The following RNLS variants were observed in gnomAD, a reference collection of about 807,000 sequenced individuals.
RNLS encodes renalase.
Under a neutral mutation model 39.8 loss-of-function variants are expected in RNLS, and 39 were observed. That is an observed-to-expected ratio of 0.98 (90% CI 0.76 to 1.28). RNLS has a LOEUF of 1.28. Among genes scored for constraint, RNLS ranks in the 50% most tolerant of loss-of-function variants. The pLI, the probability that RNLS is intolerant of heterozygous loss-of-function variation, is 0.00. For synonymous variants in RNLS, 147 were observed against 150.7 expected (o/e 0.98, Z 0.18); for missense variants, 410 against 413.3 (o/e 0.99, Z 0.07).
At chr10:88,354,217 G>A (rs1241748901) in intron 5 of RNLS, among the ~76,000 whole-genome samples, 1 of 152,146 alleles carries the variant, frequency 6.6e-6, no homozygotes. Context: ...CTGTTTACAT[G>A]TAAAGTTAAT....
At chr10:88,235,066 C>G in the RNLS span, among the ~76,000 whole-genome samples, 1 of 151,868 alleles carries the variant, frequency 6.6e-6, no homozygotes, top group Admixed American at 6.6e-5. Context: ...TCGAGACCAT[C>G]CTGGCTAACA....
In RNLS at chr10:88,421,254, C is replaced by T. The variant is rs577281297; in HGVS notation, c.527-58529G>A. 4.9e-4 allele frequency among the ~76,000 whole-genome samples: 75 copies of T among 151,802 alleles called. No individual in the cohort carries two copies. The Middle Eastern group carries it at 0.014, about 28-fold the overall frequency. On this transcript the variant is annotated intron_variant, in intron 4 of 6. Transcript: ENST00000331772. ...ATTGTTGATGATATTTTACCCATAG[C>T]CTATGATTCTGTGTGCCCTGTCCTT...
intron 6 of RNLS, among the ~76,000 whole-genome samples, chr10:88,289,710 G>T (rs1186702729): frequency 6.6e-6 from 1 of 152,076 alleles, no homozygotes; most frequent in Non-Finnish European, 1.5e-5. Flanking sequence ...AATGTTTATT[G>T]TGTTAAAAAA....
Position 88,275,039 on chromosome 10 carries a change from A to G in RNLS, c.877-7T>C, listed in dbSNP as rs373258459. Reference sequence around the variant, plus strand: ...TCACACCAGCACTTGGTACCTGAAAATCAAAGGAATATCCTTCAACCCCAG... The same window carrying G: ...TCACACCAGCACTTGGTACCTGAAAGTCAAAGGAATATCCTTCAACCCCAG... On this transcript the variant is annotated splice_polypyrimidine_tract_variant and splice_region_variant and intron_variant, in intron 6 of 6. Transcript: ENST00000371947. 5 of 1,610,798 alleles carry G rather than the reference A, an allele frequency of 3.1e-6. No homozygotes were observed. In the African/African-American group the frequency reaches 6.7e-5, roughly 22 times the overall value.
intron 4 of RNLS, among the ~76,000 whole-genome samples, chr10:88,501,918 G>GCATA (rs1433673858): frequency 6.6e-6 from 1 of 152,008 alleles, no homozygotes; most frequent in Non-Finnish European, 1.5e-5. Context: ...ATAATAATAT[G>GCATA]GAAACAGCCC....
the RNLS span, among the ~76,000 whole-genome samples, chr10:88,221,885 G>A: frequency 4.0e-5 from 6 of 151,898 alleles, no homozygotes; most frequent in Admixed American, 2.0e-4. Context: ...CAGCAAATCC[G>A]CTCTCAGTAG....
In RNLS at chr10:88,285,187, A is replaced by T. The variant is rs1246906692; in HGVS notation, c.*167T>A. On this transcript the variant is annotated 3_prime_UTR_variant, in exon 7 of 7. Coordinates refer to ENST00000331772, the MANE Select transcript of RNLS (RefSeq NM_001031709.3). ...AATTTCCATTCTAGCATGGGTTGTAACTATCAAAATTACAAAATTGATTTT... is the reference window on the plus strand; with the variant it reads ...AATTTCCATTCTAGCATGGGTTGTATCTATCAAAATTACAAAATTGATTTT... 1 of 1,344,684 alleles carries T rather than the reference A, an allele frequency of 7.4e-7. No homozygotes were observed. The highest frequency in any genetic ancestry group is 2.7e-5 in the East Asian group (1 of 36,574). 83.3% of individuals were successfully genotyped at this position (1,344,684 alleles called of 1,614,324 possible). A position where few individuals can be genotyped will look rare whatever the true frequency, so the allele number is the denominator to read the frequency against.
intron 4 of RNLS, among the ~76,000 whole-genome samples, chr10:88,435,153 G>C (rs557465944): frequency 6.6e-6 from 1 of 152,026 alleles, no homozygotes; most frequent in South Asian, 2.1e-4. Flanking sequence ...CAGCTGTCTT[G>C]TTACTTTCCT....
At chr10:88,577,751 C>T (rs1438318536) in intron 3 of RNLS, among the ~76,000 whole-genome samples, 1 of 152,122 alleles carries the variant, frequency 6.6e-6, no homozygotes, top group Non-Finnish European at 1.5e-5. Context: ...GCTTTCTCTG[C>T]AATGAGGTTA....
chr10:88,545,921 A>T (rs1349901097), intron 4 of RNLS, among the ~76,000 whole-genome samples: 2 of 152,168 alleles, frequency 1.3e-5, no homozygotes, highest in Non-Finnish European at 2.9e-5. Context: ...AGCACTAATG[A>T]ATGATAACAA....
intron 4 of RNLS, among the ~76,000 whole-genome samples, chr10:88,376,410 A>ATATT (rs1202584714): frequency 2.6e-5 from 4 of 152,204 alleles, no homozygotes; most frequent in Admixed American, 6.5e-5. Context: ...AGCAAATAAA[A>ATATT]TATTTATTTA....
At chr10:88,521,094 G>A (rs531235506) in intron 4 of RNLS, among the ~76,000 whole-genome samples, 1 of 151,966 alleles carries the variant, frequency 6.6e-6, no homozygotes, top group Non-Finnish European at 1.5e-5. Flanking sequence ...TATTTACCTT[G>A]TCCCAACTTT....
In RNLS at chr10:88,296,576, T is replaced by G. The variant is rs1434849590; in HGVS notation, c.877-11070A>C. 5.3e-5 allele frequency among the ~76,000 whole-genome samples: 8 copies of G among 152,172 alleles called. 1 individual carries two copies. The highest frequency in any genetic ancestry group is 1.2e-4 in the Non-Finnish European group (8 of 68,030). ...GAAACGAACTTCCTTCTACTTTTAA[T>G]AGTGTGAAAATTAAATTGAAAGTAT... On this transcript the variant is annotated intron_variant, in intron 6 of 6. Transcript: ENST00000331772.
chr10:88,526,490 C>T (rs187719190), intron 4 of RNLS, among the ~76,000 whole-genome samples: 4 of 152,090 alleles, frequency 2.6e-5, no homozygotes, highest in Admixed American at 1.3e-4. Flanking sequence ...TGGACAGGCA[C>T]GCTAGCTCAG....
the RNLS span, among the ~76,000 whole-genome samples, chr10:88,203,223 AGT>A: frequency 9.1e-3 from 102 of 11,238 alleles, 10 homozygotes; most frequent in East Asian, 0.016. Context: ...GATAGCAAAA[AGT>A]GTGTGTGTGT....
chr10:88,225,535 G>A, the RNLS span, among the ~76,000 whole-genome samples: 6 of 151,936 alleles, frequency 3.9e-5, no homozygotes, highest in Admixed American at 6.6e-5. Context: ...GCAACATAGC[G>A]AGACCTCATA....
At chr10:88,289,099 C>A (rs1189487090) in intron 6 of RNLS, among the ~76,000 whole-genome samples, 1 of 152,100 alleles carries the variant, frequency 6.6e-6, no homozygotes, top group African/African-American at 2.4e-5. Flanking sequence ...TCTAGAGTAG[C>A]AAATGCAATG....
chr10:88,553,703 G>A lies in RNLS; in HGVS notation c.526+19200C>T, dbSNP rs577772905. Among the ~76,000 whole-genome samples, 21 of 152,038 alleles carry A rather than the reference G, an allele frequency of 1.4e-4. 1 individual carries two copies. Among genetic ancestry groups the A allele is most frequent in the Middle Eastern group, 3.4e-3 (1 of 294 alleles). ...TCTTTTATGAATTTCGTAACATTCC[G>A]TCTTTATTAATGCTAATTCTACATT... On this transcript the variant is annotated intron_variant, in intron 4 of 6. Transcript: ENST00000331772.
chr10:88,177,485 T>C, the RNLS span, among the ~76,000 whole-genome samples: 60 of 152,362 alleles, frequency 3.9e-4, no homozygotes, highest in African/African-American at 1.4e-3. Flanking sequence ...CCATGAATTG[T>C]TTTCCTGATT....
Sources: gnomAD v4.1 joint callset for allele counts (sites outside exome capture counted in the v4.1 genomes callset) on GRCh38, gnomAD v4.1.1 for gene constraint, MANE v1.5 for transcripts, NCBI Gene and HGNC (gene_info 2026-07-23, HGNC 2026-07-21) for gene names.